DPY19L3: variants seen among roughly 807,000 people sequenced by gnomAD.
DPY19L3 encodes the protein protein C-mannosyl-transferase DPY19L3.
In DPY19L3, 51 loss-of-function variants were observed where a neutral mutation model predicts 92.3. The observed-to-expected ratio is 0.55, with a 90% confidence interval of 0.44 to 0.70. The LOEUF (loss-of-function observed/expected upper bound fraction) is 0.70, where lower values mean the gene tolerates loss of function less well. Among genes scored for constraint, DPY19L3 ranks in the 30% least tolerant of loss-of-function variants. The pLI is 0.00. For missense variants in DPY19L3, 706 were observed against 855.9 expected (o/e 0.82, Z 2.18); for synonymous variants, 309 against 315.2 (o/e 0.98, Z 0.21).
Position 32,408,364 on chromosome 19 carries a change from A to T in DPY19L3, c.103+8A>T. On this transcript the variant is annotated splice_region_variant and intron_variant, in intron 2 of 18. Transcript: ENST00000392250. ...AAAATAAATTGCCATCTGGTAGGTGATTTAAACTAAAGCAGCAATTTGGGT... is the reference window on the plus strand; with the variant it reads ...AAAATAAATTGCCATCTGGTAGGTGTTTTAAACTAAAGCAGCAATTTGGGT... The T allele has an allele frequency of 6.2e-7, 1 of 1,603,296 alleles. No homozygotes were observed. Among genetic ancestry groups the T allele is most frequent in the South Asian group, 1.1e-5 (1 of 90,416 alleles).
At chr19:32,458,536 C>G in intron 12 of DPY19L3, 27 bp downstream of exon 12, 1 of 1,584,936 alleles carries the variant, frequency 6.3e-7, no homozygotes, top group Non-Finnish European at 8.5e-7. Context: ...AAATCTAATG[C>G]TCTCCTTTAA....
intron 15 of DPY19L3, 96 bp from the exon 16 acceptor site, chr19:32,468,635 A>AT: frequency 1.3e-6 from 2 of 1,522,544 alleles, no homozygotes; most frequent in South Asian, 2.6e-5. Flanking sequence ...TAGTTCACAC[A>AT]TTATATGCAG....
At chr19:32,480,660 T>G (rs540065259) in intron 18 of DPY19L3, 103 bp downstream of exon 18, 1 of 1,366,700 alleles carries the variant, frequency 7.3e-7, no homozygotes, top group Non-Finnish European at 9.8e-7. Context: ...TCTAGTTGAA[T>G]TACGCTACGA....
At chr19:32,444,285 A>G (rs1001710393) in intron 8 of DPY19L3, among the ~76,000 whole-genome samples, 1 of 152,186 alleles carries the variant, frequency 6.6e-6, no homozygotes, top group Non-Finnish European at 1.5e-5. Context: ...GAAATTTTAG[A>G]ACAGAAAAAT....
At chr19:32,475,257 G>C (rs1416575029) in intron 16 of DPY19L3, among the ~76,000 whole-genome samples, 3 of 152,244 alleles carry the variant, frequency 2.0e-5, no homozygotes, top group African/African-American at 7.2e-5. Flanking sequence ...GATGTTGGAA[G>C]CTCAGCTGCC....
intron 1 of DPY19L3, among the ~76,000 whole-genome samples, chr19:32,407,040 T>C (rs2145373858): frequency 6.6e-6 from 1 of 151,964 alleles, no homozygotes; most frequent in South Asian, 2.1e-4. Context: ...ATACATGAAT[T>C]GTATAATGTT....
intron 3 of DPY19L3, among the ~76,000 whole-genome samples, chr19:32,429,215 T>C (rs941310888): frequency 2.0e-5 from 3 of 152,240 alleles, no homozygotes; most frequent in Non-Finnish European, 4.4e-5. Flanking sequence ...TCTTCGAAGA[T>C]GTTTTCGTTC....
intron 3 of DPY19L3, 141 bp downstream of exon 3, chr19:32,411,513 T>G (rs1968181317): frequency 1.5e-6 from 1 of 668,766 alleles, no homozygotes; most frequent in Non-Finnish European, 2.4e-6. Flanking sequence ...GTGAAATAAC[T>G]TTTGTGTTTA....
chr19:32,456,079 CTTTTTTTTTT>C lies in DPY19L3; in HGVS notation c.1089+1051_1089+1060del, dbSNP rs899726982. On this transcript the variant is annotated intron_variant, in intron 10 of 18. Coordinates refer to ENST00000392250, the MANE Select transcript of DPY19L3 (RefSeq NM_001172774.2). ...CAGCCAGTCACTATGTCACTATGTTCTTTTTTTTTTTTTTTTTTTTTGGACAGGGTCTCTC... is the reference window on the plus strand; with the variant it reads ...CAGCCAGTCACTATGTCACTATGTTCTTTTTTTTTTTGGACAGGGTCTCTC... 1.4e-3 allele frequency among the ~76,000 whole-genome samples: 149 copies of C among 103,410 alleles called. 1 individual carries two copies. Among genetic ancestry groups the C allele is most frequent in the Admixed American group, 2.5e-3 (22 of 8,812 alleles). The allele number at this position is 103,410 out of a possible 152,430, so 67.8% of individuals were successfully genotyped here.
At chr19:32,435,596 T>G (rs1347606241) in intron 4 of DPY19L3, among the ~76,000 whole-genome samples, 1 of 152,242 alleles carries the variant, frequency 6.6e-6, no homozygotes, top group Non-Finnish European at 1.5e-5. Flanking sequence ...TATAGGAGTC[T>G]ACTTTTTTAT....
At chr19:32,475,262 G>GCT (rs1293330737) in intron 16 of DPY19L3, among the ~76,000 whole-genome samples, 1 of 152,216 alleles carries the variant, frequency 6.6e-6, no homozygotes, top group African/African-American at 2.4e-5. Flanking sequence ...TGGAAGCTCA[G>GCT]CTGCCGGGTT....
intron 3 of DPY19L3, among the ~76,000 whole-genome samples, chr19:32,423,245 T>G (rs1053127936): frequency 1.3e-5 from 2 of 151,918 alleles, no homozygotes; most frequent in African/African-American, 4.8e-5. Flanking sequence ...ATTAATTTTA[T>G]TTATTTATTT....
intron 15 of DPY19L3, chr19:32,467,860 G>A (rs1479177539): frequency 3.1e-6 from 3 of 983,280 alleles, no homozygotes; most frequent in African/African-American, 1.7e-5. Flanking sequence ...TTAGATAAGT[G>A]GGTAATTCAG....
chr19:32,439,683 TTA>T lies in DPY19L3; in HGVS notation c.721-90_721-89del. The T allele has an allele frequency of 2.3e-6, 3 of 1,327,246 alleles. No individual in the cohort carries two copies. In the South Asian group the frequency reaches 4.1e-5, roughly 18 times the overall value. 82.2% of individuals were successfully genotyped at this position (1,327,246 alleles called of 1,614,324 possible). The stretch of plus-strand genomic sequence containing the variant: ...ACAGTTTATGGTTTTTCTGTTTGGT[TTA>T]TAGAGATACTGGCTGCTCTTGAGAA... On this transcript the variant is annotated intron_variant, in intron 7 of 18. Transcript: ENST00000392250.
intron 15 of DPY19L3, among the ~76,000 whole-genome samples, chr19:32,466,605 C>G (rs1279567450): frequency 6.6e-6 from 1 of 152,206 alleles, no homozygotes. Flanking sequence ...GGCACAATGT[C>G]TCCCCTTACT....
chr19:32,460,550 A>G (rs1327463006), intron 12 of DPY19L3, among the ~76,000 whole-genome samples: 1 of 152,252 alleles, frequency 6.6e-6, no homozygotes, highest in Non-Finnish European at 1.5e-5. Flanking sequence ...GTTACCATAC[A>G]CTATTGTAGA....
chr19:32,449,204 T>TA (rs1181085417), intron 8 of DPY19L3, among the ~76,000 whole-genome samples: 1 of 152,176 alleles, frequency 6.6e-6, no homozygotes, highest in Non-Finnish European at 1.5e-5. Context: ...GTCAAATGCA[T>TA]AGGTACAAAT....
At chr19:32,441,236 G>T (rs544208986) in intron 8 of DPY19L3, among the ~76,000 whole-genome samples, 3 of 151,996 alleles carry the variant, frequency 2.0e-5, no homozygotes, top group African/African-American at 4.8e-5. Context: ...AAGATAAAAA[G>T]AAATAAAAAA....
rs778954119 is a variant in DPY19L3 at position 32,411,226 on chromosome 19, A to G, written c.104-13A>G. Reference sequence around the variant, plus strand: ...ACTGACTTAGTTATTTATCTGTTCCATTTTTCCAAAAGGTTGTACCAGTAG... The same window carrying G: ...ACTGACTTAGTTATTTATCTGTTCCGTTTTTCCAAAAGGTTGTACCAGTAG... On this transcript the variant is annotated splice_polypyrimidine_tract_variant and intron_variant, in intron 2 of 18. Transcript: ENST00000392250. The G allele has an allele frequency of 3.6e-5, 58 of 1,600,732 alleles. No individual in the cohort carries two copies. The highest frequency in any genetic ancestry group is 4.4e-4 in the Middle Eastern group (2 of 4,502).
Sources: gnomAD v4.1 joint callset for allele counts (sites outside exome capture counted in the v4.1 genomes callset) on GRCh38, gnomAD v4.1.1 for gene constraint, MANE v1.5 for transcripts, NCBI Gene and HGNC (gene_info 2026-07-23, HGNC 2026-07-21) for gene names.